The following CARMIL1 variants were observed in gnomAD, a reference collection of about 807,000 sequenced individuals.
CARMIL1 encodes F-actin-uncapping protein LRRC16A.
In CARMIL1, 90 loss-of-function variants were observed where a neutral mutation model predicts 177.1. The ratio of observed to expected loss-of-function variants is 0.51; its 90% CI spans 0.43 to 0.61. CARMIL1 has a LOEUF of 0.61. Ranked by LOEUF, CARMIL1 falls within the 20% of genes least tolerant of loss-of-function variation. The pLI is 0.00. For missense variants in CARMIL1, 1,380 were observed against 1,667.0 expected, an observed-to-expected ratio of 0.83 and a Z score of 3.00; for synonymous variants, 577 against 606.2, an observed-to-expected ratio of 0.95 and a Z score of 0.71.
At chr6:25,508,132 A>G (rs1481996697) in intron 17 of CARMIL1, among the ~76,000 whole-genome samples, 1 of 152,194 alleles carries the variant, frequency 6.6e-6, no homozygotes, top group African/African-American at 2.4e-5. Flanking sequence ...AATTTTGAGT[A>G]GCAAGGTGCT....
chr6:25,485,447 G>A (rs144625068), intron 12 of CARMIL1, among the ~76,000 whole-genome samples: 19 of 152,250 alleles, frequency 1.2e-4, no homozygotes, highest in East Asian at 3.9e-4. Context: ...ACGGAGTCTC[G>A]CTCTGTCGCT....
intron 8 of CARMIL1, among the ~76,000 whole-genome samples, chr6:25,450,981 C>CTT (rs1179612890): frequency 0.022 from 108 of 4,882 alleles, 13 homozygotes; most frequent in East Asian, 0.1. Flanking sequence ...CTTCTCCTCT[C>CTT]CCCCTCCCCT....
At chr6:25,460,306 A>G (rs925221645) in intron 8 of CARMIL1, among the ~76,000 whole-genome samples, 1 of 152,238 alleles carries the variant, frequency 6.6e-6, no homozygotes, top group African/African-American at 2.4e-5. Context: ...AAATGAGATT[A>G]GTTACATACT....
chr6:25,597,026 T>C (rs945364389), intron 32 of CARMIL1, among the ~76,000 whole-genome samples: 5 of 152,186 alleles, frequency 3.3e-5, no homozygotes, highest in Non-Finnish European at 7.3e-5. Flanking sequence ...ATTTAGCTCA[T>C]GGTTCTGGAA....
intron 26 of CARMIL1, among the ~76,000 whole-genome samples, chr6:25,548,444 G>A (rs1263022771): frequency 3.3e-5 from 5 of 152,116 alleles, no homozygotes; most frequent in African/African-American, 7.2e-5. Flanking sequence ...ATATTCAGGC[G>A]GAAAAGTTTC....
At chr6:25,435,080 G>A (rs73393828) in intron 4 of CARMIL1, among the ~76,000 whole-genome samples, 5 of 152,106 alleles carry the variant, frequency 3.3e-5, no homozygotes, top group African/African-American at 1.2e-4. Flanking sequence ...TTGGTAAAAG[G>A]AGAAGTCGTG....
At chr6:25,555,696 C>T (rs975343607) in intron 28 of CARMIL1, among the ~76,000 whole-genome samples, 3 of 152,114 alleles carry the variant, frequency 2.0e-5, no homozygotes, top group Non-Finnish European at 4.4e-5. Flanking sequence ...TGCACCTGGC[C>T]TAGAGCATCC....
intron 2 of CARMIL1, among the ~76,000 whole-genome samples, chr6:25,359,233 A>G (rs981876307): frequency 2.0e-5 from 3 of 152,188 alleles, no homozygotes; most frequent in Admixed American, 6.6e-5. Context: ...ACTTGGACTC[A>G]CTGATTTGTG....
At chr6:25,321,578 C>T (rs562840911) in intron 2 of CARMIL1, among the ~76,000 whole-genome samples, 28 of 152,118 alleles carry the variant, frequency 1.8e-4, no homozygotes, top group Admixed American at 9.8e-4. Flanking sequence ...AAAATGATAA[C>T]GCAGGAAATT....
intron 2 of CARMIL1, among the ~76,000 whole-genome samples, chr6:25,347,539 A>G (rs1369957494): frequency 2.0e-5 from 3 of 152,228 alleles, no homozygotes; most frequent in Non-Finnish European, 4.4e-5. Flanking sequence ...AAAACATTTC[A>G]TTTAAAGAAA....
intron 2 of CARMIL1, among the ~76,000 whole-genome samples, chr6:25,390,724 C>G (rs1792728079): frequency 6.6e-6 from 1 of 152,174 alleles, no homozygotes; most frequent in African/African-American, 2.4e-5. Context: ...CAGTCTCGCT[C>G]TGTCAGCCCA....
In CARMIL1 at chr6:25,466,544, A is replaced by G. The variant is rs1237415556; in HGVS notation, c.690+596A>G. ...CTGCCAGTTCATATCAGTCATATGG[A>G]CAGATGCTTATACATAAATTAACTC... On this transcript the variant is annotated intron_variant, in intron 9 of 36. Transcript: ENST00000329474. Among the ~76,000 whole-genome samples, 7 of 152,346 alleles carry G rather than the reference A, an allele frequency of 4.6e-5. No individual in the cohort carries two copies. The East Asian group carries it at 1.2e-3, about 25-fold the overall frequency.
intron 29 of CARMIL1, among the ~76,000 whole-genome samples, chr6:25,572,940 A>C (rs9379772): frequency 0.19 from 28,574 of 152,032 alleles, 2,894 homozygotes; most frequent in East Asian, 0.4. Flanking sequence ...TTTCTTTTTG[A>C]ACAAGTCTAT....
intron 2 of CARMIL1, among the ~76,000 whole-genome samples, chr6:25,399,810 A>G (rs1793735028): frequency 6.6e-6 from 1 of 152,196 alleles, no homozygotes; most frequent in Admixed American, 6.5e-5. Flanking sequence ...GAGAGCTGTT[A>G]TTACTGGTTG....
chr6:25,594,134 G>A (rs1814587765), intron 31 of CARMIL1, among the ~76,000 whole-genome samples: 1 of 152,104 alleles, frequency 6.6e-6, no homozygotes, highest in South Asian at 2.1e-4. Flanking sequence ...TCTGCCTTTA[G>A]AAACACTCGA....
intron 2 of CARMIL1, among the ~76,000 whole-genome samples, chr6:25,383,134 A>C (rs911442621): frequency 2.0e-5 from 3 of 152,132 alleles, no homozygotes; most frequent in African/African-American, 7.2e-5. Context: ...GTACCTCAGG[A>C]GCCATGAGGA....
rs535310001 is a variant in CARMIL1, at chr6:25,449,392, G to A, written c.372-506G>A. Among the ~76,000 whole-genome samples, 5 of 152,248 alleles carry A rather than the reference G, an allele frequency of 3.3e-5. No homozygotes were observed. The South Asian group carries it at 8.3e-4, about 25-fold the overall frequency. On this transcript the variant is annotated intron_variant, in intron 5 of 36. Coordinates refer to ENST00000329474, the MANE Select transcript of CARMIL1 (RefSeq NM_017640.6). ...GTTAGGTTCTGAGGAGGAGGATGGG[G>A]GGTTGGGAGGAGCTGCATATGTTCT...
intron 2 of CARMIL1, among the ~76,000 whole-genome samples, chr6:25,408,162 G>T (rs562987591): frequency 6.2e-4 from 94 of 152,100 alleles, no homozygotes; most frequent in Non-Finnish European, 1.2e-4. Flanking sequence ...GTGGTGGCTT[G>T]TGCCTGTAGT....
chr6:25,536,521 A>G (rs999865173), intron 24 of CARMIL1, among the ~76,000 whole-genome samples: 1 of 152,190 alleles, frequency 6.6e-6, no homozygotes, highest in Non-Finnish European at 1.5e-5. Flanking sequence ...TGTTTTTATT[A>G]TACATAAACT....
Sources: allele counts gnomAD v4.1 joint callset (sites outside exome capture counted in the v4.1 genomes callset), GRCh38; gene constraint gnomAD v4.1.1; transcripts MANE v1.5; gene names NCBI Gene and HGNC (gene_info 2026-07-23, HGNC 2026-07-21).